Variants in DNM3 observed in about 807,000 individuals in gnomAD.
The protein encoded by DNM3 is dynamin 3, also known as dynamin-3.
Under a neutral mutation model 101.6 loss-of-function variants are expected in DNM3, and 47 were observed. The observed-to-expected ratio is 0.46, with a 90% CI of 0.37 to 0.59. The LOEUF (loss-of-function observed/expected upper bound fraction) is 0.59, where lower values mean the gene tolerates loss of function less well. Ranked by LOEUF, DNM3 falls within the 20% of genes least tolerant of loss-of-function variation. The pLI, the probability that DNM3 is intolerant of heterozygous loss-of-function variation, is 0.00. For synonymous variants in DNM3, 385 were observed against 387.9 expected (o/e 0.99, Z 0.09); for missense variants, 849 against 1,085.7 (o/e 0.78, Z 3.06).
chr1:171,948,581 A>G (rs949774730), intron 2 of DNM3, among the ~76,000 whole-genome samples: 1 of 152,188 alleles, frequency 6.6e-6, no homozygotes, highest in African/African-American at 2.4e-5. Context: ...GAGAAAATGG[A>G]TGGCAGCTCC....
intron 4 of DNM3, among the ~76,000 whole-genome samples, chr1:172,004,299 A>G (rs1169310531): frequency 6.6e-6 from 1 of 152,054 alleles, no homozygotes; most frequent in East Asian, 1.9e-4. Flanking sequence ...TTTATGATTT[A>G]CAGCTGGAAC....
At chr1:172,392,208 G>A (rs2069582130) in intron 20 of DNM3, among the ~76,000 whole-genome samples, 1 of 152,138 alleles carries the variant, frequency 6.6e-6, no homozygotes, top group Admixed American at 6.5e-5. Context: ...CAAACTACAT[G>A]CCTGTTTTAA....
At chr1:172,304,806 C>T (rs952265036) in intron 15 of DNM3, among the ~76,000 whole-genome samples, 6 of 152,154 alleles carry the variant, frequency 3.9e-5, no homozygotes, top group African/African-American at 1.4e-4. Context: ...GAAATGAAGG[C>T]AGAAATAAAG....
chr1:172,241,780 C>T (rs1218798180), intron 14 of DNM3, among the ~76,000 whole-genome samples: 1 of 152,140 alleles, frequency 6.6e-6, no homozygotes, highest in Non-Finnish European at 1.5e-5. Flanking sequence ...AGGTGCCACA[C>T]ACTCTGCCGG....
intron 1 of DNM3, among the ~76,000 whole-genome samples, chr1:171,885,875 A>G (rs1397605995): frequency 4.6e-5 from 7 of 152,104 alleles, no homozygotes; most frequent in African/African-American, 7.2e-5. Flanking sequence ...GGGGGTGGAT[A>G]GATCTTGGAC....
intron 13 of DNM3, among the ~76,000 whole-genome samples, chr1:172,107,058 C>T (rs543902217): frequency 6.7e-6 from 1 of 150,050 alleles, no homozygotes; most frequent in Non-Finnish European, 1.5e-5. Flanking sequence ...GACGGGGTTT[C>T]ACCTTGTTAG....
intron 14 of DNM3, among the ~76,000 whole-genome samples, chr1:172,145,663 A>G (rs77187328): frequency 0.029 from 4,383 of 152,002 alleles, 213 homozygotes; most frequent in African/African-American, 0.099. Context: ...GAAACGTTAC[A>G]GTTTTTGTTT....
intron 15 of DNM3, among the ~76,000 whole-genome samples, chr1:172,300,260 T>A (rs555144276): frequency 6.6e-6 from 1 of 152,334 alleles, no homozygotes; most frequent in Admixed American, 6.5e-5. Flanking sequence ...CTGAATTATT[T>A]AAGTTCCCTA....
At chr1:172,254,418 G>A (rs115775499) in intron 15 of DNM3, among the ~76,000 whole-genome samples, 31 of 152,252 alleles carry the variant, frequency 2.0e-4, no homozygotes, top group African/African-American at 7.0e-4. Context: ...GAATTATTCA[G>A]TTATGGCAAA....
chr1:172,001,228 G>A (rs529540302), intron 4 of DNM3, among the ~76,000 whole-genome samples: 1 of 152,122 alleles, frequency 6.6e-6, no homozygotes, highest in Admixed American at 6.6e-5. Flanking sequence ...TATTTATGAT[G>A]GCTGAATATC....
chr1:172,020,611 C>T (rs1245873782), intron 4 of DNM3, among the ~76,000 whole-genome samples: 10 of 149,672 alleles, frequency 6.7e-5, no homozygotes, highest in Admixed American at 3.4e-4. Context: ...TAGTTCCCAG[C>T]TACTCGGGAG....
intron 1 of DNM3, among the ~76,000 whole-genome samples, chr1:171,879,001 T>G (rs949688087): frequency 6.6e-6 from 1 of 152,240 alleles, no homozygotes; most frequent in Non-Finnish European, 1.5e-5. Flanking sequence ...CTATGTTTTC[T>G]GTCAGAGTGT....
At chr1:172,244,976 G>A (rs1313472293) in intron 14 of DNM3, among the ~76,000 whole-genome samples, 1 of 152,166 alleles carries the variant, frequency 6.6e-6, no homozygotes, top group Non-Finnish European at 1.5e-5. Context: ...CTCAATATTT[G>A]CATAGCCTCT....
intron 17 of DNM3, among the ~76,000 whole-genome samples, chr1:172,378,566 G>C (rs1210987949): frequency 1.3e-5 from 2 of 151,994 alleles, no homozygotes; most frequent in Admixed American, 1.3e-4. Flanking sequence ...TCCAAATGCT[G>C]ATCCATCCCA....
intron 14 of DNM3, among the ~76,000 whole-genome samples, chr1:172,247,705 A>G (rs1223945738): frequency 9.6e-6 from 1 of 104,118 alleles, no homozygotes; most frequent in Non-Finnish European, 2.3e-5. Flanking sequence ...GTTTATTTTG[A>G]GACAGTTTCG....
chr1:172,012,556 G>C (rs1187421699), intron 4 of DNM3, among the ~76,000 whole-genome samples: 3 of 151,910 alleles, frequency 2.0e-5, no homozygotes, highest in Non-Finnish European at 2.9e-5. Flanking sequence ...TTATTTTGGA[G>C]TGCAAATTCT....
chr1:172,182,502 A>G (rs1340811008), intron 14 of DNM3, among the ~76,000 whole-genome samples: 2 of 152,142 alleles, frequency 1.3e-5, no homozygotes, highest in African/African-American at 2.4e-5. Context: ...AACCAAGTCC[A>G]GCAATAAATC....
Position 172,033,246 on chromosome 1 carries a change from T to A in DNM3, c.830T>A (p.Leu277Gln). ...GCTGACCGAATGGGAACCCCACACC[T>A]GCAGAAGGTCCTTAATCAGGTAAAA... Reference protein sequence around the residue: ...HIADRMGTPHLQKVLNQQLTN... With the variant: ...HIADRMGTPHQQKVLNQQLTN... The change falls in exon 6 of 21, where the codon CTG becomes CAG. Residue 277 changes from leucine (L) to glutamine (Q), a missense_variant. By Grantham distance (113) the Leu-to-Gln change is moderately radical. Around this residue, in one of 5 missense-constraint regions of DNM3, gnomAD observed 388 missense variants for 483.0 expected, o/e 0.80. Transcript: ENST00000627582. 1.2e-6 allele frequency: 2 copies of A among 1,602,002 alleles called. No homozygotes were observed. The highest frequency in any genetic ancestry group is 1.7e-6 in the Non-Finnish European group (2 of 1,174,076).
rs939240720 is a variant in DNM3 at position 172,201,830 on chromosome 1, G to A, written c.1660-51743G>A. Among the ~76,000 whole-genome samples the A allele has an allele frequency of 1.3e-5, 2 of 152,178 alleles. 1 individual carries two copies. The highest frequency in any genetic ancestry group is 1.3e-4 in the Admixed American group (2 of 15,270). ...GGCCCAGGCCTGGAGGACCTGTCTA[G>A]TGAGGAGATATGGGAACGGACACCC... On this transcript the variant is annotated intron_variant, in intron 14 of 20. Coordinates refer to ENST00000627582, the MANE Select transcript of DNM3 (RefSeq NM_015569.5).
Sources: allele counts gnomAD v4.1 joint callset (sites outside exome capture counted in the v4.1 genomes callset), GRCh38; gene constraint gnomAD v4.1.1; regional missense constraint gnomAD v4.1.1; transcripts MANE v1.5; gene names NCBI Gene and HGNC (gene_info 2026-07-23, HGNC 2026-07-21).